The following CADPS variants were observed in gnomAD, a reference collection of about 807,000 sequenced individuals.
CADPS encodes calcium dependent secretion activator, also known as calcium-dependent secretion activator 1.
In CADPS, 57 loss-of-function variants were observed where a neutral mutation model predicts 167.3. The ratio of observed to expected loss-of-function variants is 0.34; its 90% CI spans 0.28 to 0.42. The LOEUF (loss-of-function observed/expected upper bound fraction) is 0.42, where lower values mean the gene tolerates loss of function less well. Ranked by LOEUF, CADPS falls within the 20% of genes least tolerant of loss-of-function variation. The probability of loss-of-function intolerance (pLI) is 1.00; values close to 1 mark genes in which losing one functional copy is unlikely to be tolerated. For synonymous variants in CADPS, 676 were observed against 635.3 expected, an observed-to-expected ratio of 1.06 and a Z score of -0.96; for missense variants, 1,414 against 1,738.1, an observed-to-expected ratio of 0.81 and a Z score of 3.32.
intron 9 of CADPS, among the ~76,000 whole-genome samples, chr3:62,562,667 G>C (rs2079388728): frequency 6.6e-6 from 1 of 152,176 alleles, no homozygotes; most frequent in Admixed American, 6.5e-5. Context: ...TGTGCATGCA[G>C]GCCATTCATT....
intron 3 of CADPS, among the ~76,000 whole-genome samples, chr3:62,748,990 T>C (rs1485458631): frequency 1.3e-5 from 2 of 152,250 alleles, no homozygotes; most frequent in Admixed American, 6.5e-5. Context: ...TCAGCCTACC[T>C]TACTTTTTTT....
chr3:62,627,733 G>A (rs1449105933), intron 6 of CADPS, among the ~76,000 whole-genome samples: 3 of 26,414 alleles, frequency 1.1e-4, no homozygotes, highest in African/African-American at 1.6e-4. Flanking sequence ...TGAAGTTCTG[G>A]TAATTGAGTT....
intron 3 of CADPS, among the ~76,000 whole-genome samples, chr3:62,695,780 G>A (rs1235924510): frequency 6.6e-6 from 1 of 151,930 alleles, no homozygotes; most frequent in Non-Finnish European, 1.5e-5. Context: ...CAATGATCCT[G>A]CCTCAACCTC....
chr3:62,545,234 T>C (rs1035838856), intron 11 of CADPS, among the ~76,000 whole-genome samples: 11 of 151,970 alleles, frequency 7.2e-5, no homozygotes, highest in Admixed American at 2.6e-4. Context: ...AATACCCTCT[T>C]CCCCCACCCC....
chr3:62,629,067 A>T (rs542665570), intron 6 of CADPS, among the ~76,000 whole-genome samples: 31 of 152,174 alleles, frequency 2.0e-4, no homozygotes, highest in Non-Finnish European at 3.8e-4. Flanking sequence ...TAAGAAAAGA[A>T]CATATGTAAC....
intron 3 of CADPS, among the ~76,000 whole-genome samples, chr3:62,728,236 T>C (rs2077110390): frequency 1.3e-5 from 2 of 151,690 alleles, no homozygotes; most frequent in Non-Finnish European, 2.9e-5. Context: ...TCCAAAAGGG[T>C]CTGTTTGCAA....
At chr3:62,678,759 T>A (rs1382842616) in intron 3 of CADPS, among the ~76,000 whole-genome samples, 1 of 151,614 alleles carries the variant, frequency 6.6e-6, no homozygotes, top group African/African-American at 2.4e-5. Context: ...AGGAAACTTC[T>A]GCAGCAGAGT....
chr3:62,575,007 A>T (rs1442902942), intron 8 of CADPS, among the ~76,000 whole-genome samples: 1 of 152,192 alleles, frequency 6.6e-6, no homozygotes, highest in East Asian at 1.9e-4. Flanking sequence ...GTGGGCAAGA[A>T]ATTTTGTAGT....
chr3:62,759,379 C>T (rs973207019), intron 2 of CADPS, among the ~76,000 whole-genome samples: 3 of 152,022 alleles, frequency 2.0e-5, no homozygotes, highest in African/African-American at 7.2e-5. Flanking sequence ...TATCATGCAG[C>T]CATGAAAAAA....
At chr3:62,526,098 CACTT>C (rs2072122731) in intron 13 of CADPS, among the ~76,000 whole-genome samples, 1 of 152,034 alleles carries the variant, frequency 6.6e-6, no homozygotes, top group South Asian at 2.1e-4. Context: ...AGGATGAAAC[CACTT>C]ACTTAGGAAT....
chr3:62,543,995 A>T (rs968410997), intron 11 of CADPS, among the ~76,000 whole-genome samples: 2 of 152,082 alleles, frequency 1.3e-5, no homozygotes, highest in African/African-American at 2.4e-5. Flanking sequence ...CAAAAAAGTT[A>T]TTGTTGTCAT....
chr3:62,405,458 A>AAT (rs1553695681), intron 28 of CADPS, among the ~76,000 whole-genome samples: 1 of 141,804 alleles, frequency 7.1e-6, no homozygotes, highest in African/African-American at 2.5e-5. Context: ...GAAAAAAAAA[A>AAT]AAAAAATAAA....
chr3:62,512,308 A>G (rs1248154038), intron 17 of CADPS, among the ~76,000 whole-genome samples: 1 of 152,166 alleles, frequency 6.6e-6, no homozygotes, highest in African/African-American at 2.4e-5. Flanking sequence ...TGCGATACAT[A>G]CAAGAACAAC....
At chr3:62,694,234 T>C (rs1221608527) in intron 3 of CADPS, among the ~76,000 whole-genome samples, 1 of 152,094 alleles carries the variant, frequency 6.6e-6, no homozygotes, top group Non-Finnish European at 1.5e-5. Context: ...TAACATTATT[T>C]TGATTATCAA....
chr3:62,583,808 C>A (rs143783583), intron 8 of CADPS, among the ~76,000 whole-genome samples: 1 of 152,074 alleles, frequency 6.6e-6, no homozygotes, highest in Non-Finnish European at 1.5e-5. Flanking sequence ...TCTGAGGCAC[C>A]ATGGCTAGGC....
chr3:62,597,389 G>A (rs2059081723), intron 6 of CADPS, among the ~76,000 whole-genome samples: 8 of 152,062 alleles, frequency 5.3e-5, no homozygotes, highest in Admixed American at 5.2e-4. Flanking sequence ...TACCTCTTTG[G>A]GCATTCATTA....
intron 3 of CADPS, among the ~76,000 whole-genome samples, chr3:62,694,304 G>T (rs997933660): frequency 6.6e-6 from 1 of 152,084 alleles, no homozygotes; most frequent in African/African-American, 2.4e-5. Context: ...GCCATAATTG[G>T]TTTGATCATG....
chr3:62,431,694 C>T (rs1367754391), intron 28 of CADPS, among the ~76,000 whole-genome samples: 1 of 151,888 alleles, frequency 6.6e-6, no homozygotes, highest in Non-Finnish European at 1.5e-5. Flanking sequence ...CAACCTTGCC[C>T]TGCATCAAAT....
intron 6 of CADPS, among the ~76,000 whole-genome samples, chr3:62,637,738 A>G (rs1252272074): frequency 6.6e-6 from 1 of 152,172 alleles, no homozygotes. Flanking sequence ...AATGGATGAA[A>G]AGTACAGGCT....
Sources: gnomAD v4.1 joint callset for allele counts (sites outside exome capture counted in the v4.1 genomes callset) on GRCh38, gnomAD v4.1.1 for gene constraint, MANE v1.5 for transcripts, NCBI Gene and HGNC (gene_info 2026-07-23, HGNC 2026-07-21) for gene names.